The following ENTREP2 variants were observed in gnomAD, a reference collection of about 807,000 sequenced individuals.
ENTREP2 encodes protein ENTREP2.
the ENTREP2 span, among the ~76,000 whole-genome samples, chr15:29,509,893 A>G: frequency 6.6e-6 from 1 of 152,258 alleles, no homozygotes; most frequent in Non-Finnish European, 1.5e-5. Context: ...AAAAGCCAAA[A>G]TTGACAAATG....
chr15:29,191,010 C>T, the ENTREP2 span, among the ~76,000 whole-genome samples: 1 of 152,176 alleles, frequency 6.6e-6, no homozygotes, highest in Non-Finnish European at 1.5e-5. Flanking sequence ...CAGCCTCTTC[C>T]CAGAGTGGCT....
At chr15:29,444,476 T>C in the ENTREP2 span, among the ~76,000 whole-genome samples, 2 of 43,814 alleles carry the variant, frequency 4.6e-5, no homozygotes, top group Admixed American at 3.2e-4. Flanking sequence ...TCTTTTTTTC[T>C]TTTTTTTCTT....
chr15:29,596,099 T>C, the ENTREP2 span, among the ~76,000 whole-genome samples: 1 of 152,198 alleles, frequency 6.6e-6, no homozygotes, highest in African/African-American at 2.4e-5. Context: ...GCTTCATTGC[T>C]TGTAGGCCTG....
the ENTREP2 span, chr15:29,123,337 C>T: frequency 6.6e-7 from 1 of 1,522,110 alleles, no homozygotes; most frequent in Non-Finnish European, 8.9e-7. Flanking sequence ...AATGTGGCTC[C>T]TTCATACCTG....
the ENTREP2 span, among the ~76,000 whole-genome samples, chr15:29,129,176 G>A: frequency 2.1e-4 from 32 of 152,190 alleles, no homozygotes; most frequent in African/African-American, 7.7e-4. Context: ...CGATTCTCCT[G>A]CTTCAGCCTC....
chr15:29,348,188 T>C, the ENTREP2 span, among the ~76,000 whole-genome samples: 1 of 152,220 alleles, frequency 6.6e-6, no homozygotes, highest in Non-Finnish European at 1.5e-5. Flanking sequence ...ATGTCTTCAA[T>C]GTGTCAGGCA....
the ENTREP2 span, among the ~76,000 whole-genome samples, chr15:29,371,542 G>C: frequency 6.6e-6 from 1 of 152,058 alleles, no homozygotes; most frequent in Admixed American, 6.6e-5. Context: ...GTTAACCTGT[G>C]GGGGGAGGTG....
chr15:29,659,567 A>G, the ENTREP2 span, among the ~76,000 whole-genome samples: 1 of 152,184 alleles, frequency 6.6e-6, no homozygotes, highest in Non-Finnish European at 1.5e-5. Context: ...CCACAGTAAT[A>G]ATGCATTTTC....
chr15:29,551,652 T>C, the ENTREP2 span, among the ~76,000 whole-genome samples: 1 of 151,774 alleles, frequency 6.6e-6, no homozygotes, highest in Non-Finnish European at 1.5e-5. Flanking sequence ...ATGGGACTAC[T>C]TCACTTTTAA....
chr15:29,584,050 A>C, the ENTREP2 span, among the ~76,000 whole-genome samples: 1 of 152,244 alleles, frequency 6.6e-6, no homozygotes, highest in Non-Finnish European at 1.5e-5. Flanking sequence ...CTTCATCAAA[A>C]TTAAAACTTT....
chr15:29,569,646 T>C, the ENTREP2 span: 2 of 152,190 alleles, frequency 1.3e-5, no homozygotes, highest in African/African-American at 4.8e-5. Flanking sequence ...GTCCATTCTT[T>C]GTTAATATAG....
the ENTREP2 span, among the ~76,000 whole-genome samples, chr15:29,219,559 G>A: frequency 1.4e-5 from 2 of 142,608 alleles, no homozygotes; most frequent in Non-Finnish European, 3.0e-5. Context: ...CAAAACTGTG[G>A]AAACAATCCA....
chr15:29,269,515 G>A, the ENTREP2 span: 1 of 1,589,142 alleles, frequency 6.3e-7, no homozygotes, highest in African/African-American at 1.4e-5. Flanking sequence ...GCCCTGAGGC[G>A]AGGGGCCCTG....
the ENTREP2 span, among the ~76,000 whole-genome samples, chr15:29,569,098 A>C: frequency 6.6e-6 from 1 of 152,196 alleles, no homozygotes; most frequent in African/African-American, 2.4e-5. Context: ...AAAACTGAGC[A>C]ATAGATGTGT....
chr15:29,334,768 G>C, the ENTREP2 span, among the ~76,000 whole-genome samples: 1 of 152,194 alleles, frequency 6.6e-6, no homozygotes, highest in Non-Finnish European at 1.5e-5. Context: ...GGGAGGCTGA[G>C]TTGTAAGAAG....
chr15:29,543,556 G>C, the ENTREP2 span, among the ~76,000 whole-genome samples: 1 of 152,164 alleles, frequency 6.6e-6, no homozygotes, highest in Non-Finnish European at 1.5e-5. Context: ...GAGGTAGGTG[G>C]ATCATTTGAA....
At chr15:29,657,483 C>CGGGGGGGGGGGGGGGG in the ENTREP2 span, among the ~76,000 whole-genome samples, 10 of 69,434 alleles carry the variant, frequency 1.4e-4, no homozygotes, top group South Asian at 5.5e-4. Context: ...GCTGGGGGGG[C>CGGGGGGGGGGGGGGGG]GGGGGGGGGG....
chr15:29,391,888 G>A, the ENTREP2 span, among the ~76,000 whole-genome samples: 1 of 152,114 alleles, frequency 6.6e-6, no homozygotes, highest in African/African-American at 2.4e-5. Context: ...GCAGTGACAC[G>A]AGCTCGGCTC....
the ENTREP2 span, among the ~76,000 whole-genome samples, chr15:29,327,068 A>T: frequency 1.3e-5 from 2 of 152,170 alleles, no homozygotes; most frequent in Non-Finnish European, 2.9e-5. Flanking sequence ...ATTATATCAA[A>T]AGGGATCATG....
Sources: allele counts gnomAD v4.1 joint callset (sites outside exome capture counted in the v4.1 genomes callset), GRCh38; gene constraint gnomAD v4.1.1; transcripts MANE v1.5; gene names NCBI Gene and HGNC (gene_info 2026-07-23, HGNC 2026-07-21).